Variants in CADM2 observed in about 807,000 individuals in gnomAD.
CADM2 encodes cell adhesion molecule 2.
In CADM2, 12 loss-of-function variants were observed where a neutral mutation model predicts 49.8. The observed-to-expected ratio is 0.24, with a 90% confidence interval of 0.15 to 0.39. The LOEUF is 0.39. Among genes scored for constraint, CADM2 ranks in the 10% least tolerant of loss-of-function variants. The pLI is 1.00. For missense variants in CADM2, 378 were observed against 492.3 expected, an observed-to-expected ratio of 0.77 and a Z score of 2.20; for synonymous variants, 214 against 175.4, an observed-to-expected ratio of 1.22 and a Z score of -1.74.
At chr3:85,545,811 C>T (rs548240356) in intron 1 of CADM2, among the ~76,000 whole-genome samples, 1 of 152,154 alleles carries the variant, frequency 6.6e-6, no homozygotes, top group East Asian at 1.9e-4. Flanking sequence ...AAAAGTAAAC[C>T]TGAAATTTAA....
chr3:86,017,079 C>A (rs1361758743), intron 8 of CADM2, among the ~76,000 whole-genome samples: 1 of 151,250 alleles, frequency 6.6e-6, no homozygotes, highest in African/African-American at 2.4e-5. Context: ...TTTACAGACC[C>A]ATTTCTGTGC....
chr3:85,870,251 T>G (rs543671368), intron 3 of CADM2, among the ~76,000 whole-genome samples: 1 of 152,236 alleles, frequency 6.6e-6, no homozygotes, highest in East Asian at 1.9e-4. Context: ...ATGATGATTT[T>G]TTTTTTTTAA....
Position 85,444,441 on chromosome 3 carries a change from ACT to A in CADM2, c.62-282079_62-282078del, listed in dbSNP as rs1553724310. On this transcript the variant is annotated intron_variant, in intron 1 of 9. Transcript: ENST00000383699. ...ACTGGCTTCTTGTCTTTTCCTACAC[ACT>A]CACACACACACACACACACACACAC... Among the ~76,000 whole-genome samples the A allele has an allele frequency of 4.1e-3, 434 of 105,154 alleles. 4 individuals are homozygous for A. The highest frequency in any genetic ancestry group is 0.012 in the African/African-American group (420 of 35,722). The allele number at this position is 105,154 out of a possible 152,430, so 69.0% of individuals were successfully genotyped here.
chr3:85,137,340 A>G (rs2039443625), intron 1 of CADM2, among the ~76,000 whole-genome samples: 1 of 151,988 alleles, frequency 6.6e-6, no homozygotes, highest in South Asian at 2.1e-4. Flanking sequence ...GCTGTCAAAA[A>G]TATTATTTTT....
At chr3:85,977,904 A>G (rs891928094) in intron 8 of CADM2, among the ~76,000 whole-genome samples, 2 of 151,586 alleles carry the variant, frequency 1.3e-5, no homozygotes, top group Admixed American at 6.6e-5. Flanking sequence ...CCAGTGTAGA[A>G]AATTCAGCGG....
At chr3:85,817,768 G>T (rs1454830964) in intron 3 of CADM2, among the ~76,000 whole-genome samples, 1 of 151,966 alleles carries the variant, frequency 6.6e-6, no homozygotes, top group Non-Finnish European at 1.5e-5. Context: ...AGCCGAGACT[G>T]CACCACTGCA....
intron 1 of CADM2, among the ~76,000 whole-genome samples, chr3:85,244,221 A>G (rs2042597559): frequency 6.6e-6 from 1 of 152,138 alleles, no homozygotes; most frequent in South Asian, 2.1e-4. Flanking sequence ...CTAGTTTATC[A>G]TAACAAATAG....
intron 8 of CADM2, among the ~76,000 whole-genome samples, chr3:86,041,500 G>A (rs892306512): frequency 6.6e-6 from 1 of 152,120 alleles, no homozygotes; most frequent in Non-Finnish European, 1.5e-5. Flanking sequence ...ATTACATAAT[G>A]GTAAAGGGAT....
intron 1 of CADM2, among the ~76,000 whole-genome samples, chr3:85,338,129 G>T (rs2045140397): frequency 1.3e-5 from 2 of 151,594 alleles, no homozygotes; most frequent in Admixed American, 6.6e-5. Context: ...TTAATTGCTT[G>T]AGTATAGTAG....
At chr3:84,988,347 A>G (rs990685141) in intron 1 of CADM2, among the ~76,000 whole-genome samples, 1 of 152,220 alleles carries the variant, frequency 6.6e-6, no homozygotes, top group Admixed American at 6.5e-5. Context: ...CCTTAGGCCA[A>G]GTTCTAGCCA....
chr3:85,857,505 T>A (rs2075361946), intron 3 of CADM2, among the ~76,000 whole-genome samples: 2 of 135,956 alleles, frequency 1.5e-5, no homozygotes, highest in Admixed American at 1.5e-4. Flanking sequence ...AGAGATAGAG[T>A]CTCACTCTGT....
At chr3:84,970,044 CTTTT>C (rs33980527) in intron 1 of CADM2, among the ~76,000 whole-genome samples, 6 of 103,560 alleles carry the variant, frequency 5.8e-5, no homozygotes, top group African/African-American at 7.5e-5. Context: ...GACTGACCTG[CTTTT>C]TTTTTTTTTT....
intron 2 of CADM2, among the ~76,000 whole-genome samples, chr3:85,758,257 C>T (rs2107890235): frequency 6.6e-6 from 1 of 152,194 alleles, no homozygotes; most frequent in East Asian, 1.9e-4. Context: ...GAACATTAAT[C>T]AGCAAAACTT....
chr3:85,165,953 T>G (rs1428698987), intron 1 of CADM2, among the ~76,000 whole-genome samples: 2 of 151,780 alleles, frequency 1.3e-5, no homozygotes, highest in Non-Finnish European at 3.0e-5. Flanking sequence ...ATAGATTGCA[T>G]CTTAAATCTA....
At chr3:85,699,423 C>G (rs778291191) in intron 1 of CADM2, among the ~76,000 whole-genome samples, 5 of 152,196 alleles carry the variant, frequency 3.3e-5, no homozygotes, top group African/African-American at 4.8e-5. Flanking sequence ...GGTCTCTGCC[C>G]CTGAAGCAGG....
chr3:86,025,806 T>A (rs903407459), intron 8 of CADM2, among the ~76,000 whole-genome samples: 1 of 152,154 alleles, frequency 6.6e-6, no homozygotes. Flanking sequence ...TTTGTAATAA[T>A]CTGGAACTAA....
intron 3 of CADM2, among the ~76,000 whole-genome samples, chr3:85,872,515 A>C (rs1287652243): frequency 6.6e-6 from 1 of 151,856 alleles, no homozygotes; most frequent in African/African-American, 2.4e-5. Context: ...TCATTTATAA[A>C]AGATGTTTAT....
intron 1 of CADM2, among the ~76,000 whole-genome samples, chr3:85,072,668 A>G (rs184491220): frequency 6.6e-6 from 1 of 152,220 alleles, no homozygotes; most frequent in African/African-American, 2.4e-5. Flanking sequence ...TTTAAAAGAC[A>G]TAGTCTCTTT....
In CADM2 at chr3:85,676,090, G is replaced by T. The variant is rs535494552; in HGVS notation, c.62-50432G>T. Reference sequence around the variant, plus strand: ...GCTCATGGCTATTGACACCACAGCAGATACCTCACTTTGACATCTTCCTGA... The same window carrying T: ...GCTCATGGCTATTGACACCACAGCATATACCTCACTTTGACATCTTCCTGA... On this transcript the variant is annotated intron_variant, in intron 1 of 9. Transcript: ENST00000383699. 4.6e-4 allele frequency among the ~76,000 whole-genome samples: 70 copies of T among 152,290 alleles called. 1 individual carries two copies. The highest frequency in any genetic ancestry group is 1.6e-3 in the African/African-American group (68 of 41,560).
Sources: gnomAD v4.1 joint callset for allele counts (sites outside exome capture counted in the v4.1 genomes callset) on GRCh38, gnomAD v4.1.1 for gene constraint, MANE v1.5 for transcripts, NCBI Gene and HGNC (gene_info 2026-07-23, HGNC 2026-07-21) for gene names.